Variants in ETV6 observed in about 807,000 individuals in gnomAD.
ETV6 encodes the protein transcription factor ETV6.
ETV6 carries 16 observed loss-of-function variants against 51.1 expected under a neutral mutation model. That is an observed-to-expected ratio of 0.31 (90% CI 0.21 to 0.48). The LOEUF is 0.48. Ranked by LOEUF, ETV6 falls within the 20% of genes least tolerant of loss-of-function variation. The pLI is 0.99. For synonymous variants in ETV6, 240 were observed against 224.1 expected, an observed-to-expected ratio of 1.07 and a Z score of -0.64; for missense variants, 458 against 594.8, an observed-to-expected ratio of 0.77 and a Z score of 2.39.
At chr12:11,683,707 C>G (rs1864575858) in intron 1 of ETV6, among the ~76,000 whole-genome samples, 1 of 152,192 alleles carries the variant, frequency 6.6e-6, no homozygotes, top group Non-Finnish European at 1.5e-5. Flanking sequence ...GAACTGAGAG[C>G]AAACTTTGAG....
chr12:11,798,156 C>G (rs1200581102), intron 2 of ETV6, among the ~76,000 whole-genome samples: 4 of 152,114 alleles, frequency 2.6e-5, no homozygotes, highest in Non-Finnish European at 4.4e-5. Flanking sequence ...TTGGGGAAGA[C>G]AGATAAGTAA....
chr12:11,892,782 G>A lies in ETV6; in HGVS notation c.*1736G>A. 1 of 232,888 alleles carries A rather than the reference G, an allele frequency of 4.3e-6. No homozygotes were observed. The highest frequency in any genetic ancestry group is 8.5e-6 in the Non-Finnish European group (1 of 117,886). The allele number at this position is 232,888 out of a possible 1,614,324, so 14.4% of individuals were successfully genotyped here. A position where few individuals can be genotyped will look rare whatever the true frequency, so the allele number is the denominator to read the frequency against. ...GAGTTGAGTCAGACATGTAGAGTTT[G>A]GGTCACACAGGCAAGAGGAATTTTC... On this transcript the variant is annotated 3_prime_UTR_variant, in exon 8 of 8. Transcript: ENST00000396373.
chr12:11,749,069 G>C (rs1370569227), intron 1 of ETV6, among the ~76,000 whole-genome samples: 1 of 152,080 alleles, frequency 6.6e-6, no homozygotes, highest in Non-Finnish European at 1.5e-5. Context: ...TGGTTGGCTT[G>C]ATAGGTTGTA....
intron 7 of ETV6, among the ~76,000 whole-genome samples, chr12:11,888,372 A>G (rs1947232242): frequency 8.1e-6 from 1 of 124,148 alleles, no homozygotes; most frequent in African/African-American, 3.1e-5. Flanking sequence ...CTACACTACA[A>G]TTTGCTTTTT....
intron 1 of ETV6, among the ~76,000 whole-genome samples, chr12:11,680,185 C>G (rs1023800920): frequency 6.6e-6 from 1 of 152,164 alleles, no homozygotes; most frequent in South Asian, 2.1e-4. Context: ...GAGGCATTCC[C>G]ATGAGAACCA....
At chr12:11,883,496 C>T (rs1288669703) in intron 5 of ETV6, among the ~76,000 whole-genome samples, 4 of 151,500 alleles carry the variant, frequency 2.6e-5, no homozygotes, top group African/African-American at 7.3e-5. Flanking sequence ...GGTTTCGCCA[C>T]GTTGGTCAGG....
chr12:11,689,385 C>T (rs960750038), intron 1 of ETV6, among the ~76,000 whole-genome samples: 2 of 152,034 alleles, frequency 1.3e-5, no homozygotes, highest in African/African-American at 2.4e-5. Context: ...CTCTAGGCGT[C>T]GTTTGAATAT....
At chr12:11,715,854 G>C (rs1865265578) in intron 1 of ETV6, among the ~76,000 whole-genome samples, 1 of 152,208 alleles carries the variant, frequency 6.6e-6, no homozygotes, top group Admixed American at 6.5e-5. Flanking sequence ...TCAAATCAGA[G>C]AATTTGCATC....
intron 1 of ETV6, among the ~76,000 whole-genome samples, chr12:11,658,295 C>CT (rs1440269123): frequency 3.9e-5 from 6 of 152,052 alleles, no homozygotes; most frequent in African/African-American, 1.4e-4. Context: ...GAGTGCAATG[C>CT]CGAGATCTCA....
chr12:11,802,393 G>C (rs971048794), intron 2 of ETV6, among the ~76,000 whole-genome samples: 4 of 152,196 alleles, frequency 2.6e-5, no homozygotes, highest in African/African-American at 9.7e-5. Flanking sequence ...TGCATTAATA[G>C]GGCTTTGGAA....
chr12:11,693,972 T>G (rs573339978), intron 1 of ETV6, among the ~76,000 whole-genome samples: 1 of 152,308 alleles, frequency 6.6e-6, no homozygotes, highest in East Asian at 1.9e-4. Flanking sequence ...ACTAGGGAGA[T>G]TATATGGCCA....
chr12:11,831,181 T>C (rs1946238910), intron 2 of ETV6, among the ~76,000 whole-genome samples: 1 of 152,116 alleles, frequency 6.6e-6, no homozygotes, highest in Non-Finnish European at 1.5e-5. Flanking sequence ...GCTCAATTTT[T>C]AAATAGTTTG....
At chr12:11,723,600 G>A (rs944104368) in intron 1 of ETV6, among the ~76,000 whole-genome samples, 2 of 152,150 alleles carry the variant, frequency 1.3e-5, no homozygotes, top group African/African-American at 4.8e-5. Flanking sequence ...CCGGCACATA[G>A]TAGGAGTTTG....
At chr12:11,848,936 GAGA>G (rs771456274) in intron 3 of ETV6, among the ~76,000 whole-genome samples, 1 of 152,204 alleles carries the variant, frequency 6.6e-6, no homozygotes, top group Non-Finnish European at 1.5e-5. Flanking sequence ...TGGGAAGAGA[GAGA>G]AGATTTATTA....
chr12:11,672,195 T>C (rs1864331112), intron 1 of ETV6, among the ~76,000 whole-genome samples: 1 of 152,132 alleles, frequency 6.6e-6, no homozygotes, highest in Non-Finnish European at 1.5e-5. Context: ...AGGTTTCTAT[T>C]TGACAATGTA....
At position 11,750,767 on chromosome 12, in the gene ETV6, A is replaced by AG. The variant is rs1249792633; in HGVS notation, c.34-1683_34-1682insG. On this transcript the variant is annotated intron_variant, in intron 1 of 7. Coordinates refer to ENST00000396373, the MANE Select transcript of ETV6 (RefSeq NM_001987.5). ...CTCACCTTTAAAAACCTCTGAACAG[A>AG]TTTTATGTTTCCTATATGTGTGGGC... 4.3e-5 allele frequency: 19 copies of AG among 437,128 alleles called. No individual in the cohort carries two copies. The Admixed American group carries it at 5.5e-4, about 13-fold the overall frequency. 27.1% of individuals were successfully genotyped at this position (437,128 alleles called of 1,614,324 possible).
chr12:11,771,595 T>C (rs541883482), intron 2 of ETV6, among the ~76,000 whole-genome samples: 1 of 152,224 alleles, frequency 6.6e-6, no homozygotes, highest in East Asian at 1.9e-4. Flanking sequence ...AACTCTACAC[T>C]AAGAGCTTCA....
At chr12:11,710,227 C>T (rs955496455) in intron 1 of ETV6, among the ~76,000 whole-genome samples, 1 of 152,064 alleles carries the variant, frequency 6.6e-6, no homozygotes, top group African/African-American at 2.4e-5. Context: ...CCGTGGCTTT[C>T]TCTGGTCATT....
intron 1 of ETV6, among the ~76,000 whole-genome samples, chr12:11,720,582 G>T (rs897988938): frequency 8.5e-5 from 13 of 152,148 alleles, no homozygotes; most frequent in African/African-American, 2.7e-4. Context: ...ATTAACTCAA[G>T]ATGGATTAAA....
Sources: allele counts gnomAD v4.1 joint callset (sites outside exome capture counted in the v4.1 genomes callset), GRCh38; gene constraint gnomAD v4.1.1; transcripts MANE v1.5; gene names NCBI Gene and HGNC (gene_info 2026-07-23, HGNC 2026-07-21).